The following AGO3 variants were observed in gnomAD, a reference collection of about 807,000 sequenced individuals.
AGO3 encodes the protein argonaute RISC catalytic component 3.
In AGO3, 16 loss-of-function variants were observed where a neutral mutation model predicts 105.5. That is an observed-to-expected ratio of 0.15 (90% CI 0.10 to 0.23). The LOEUF (loss-of-function observed/expected upper bound fraction) is 0.23. AGO3 is among the 10% of genes least tolerant of loss of function. The pLI, the probability that AGO3 is intolerant of heterozygous loss-of-function variation, is 1.00. For synonymous variants in AGO3, 340 were observed against 367.3 expected (o/e 0.93, Z 0.85); for missense variants, 534 against 1,088.0 (o/e 0.49, Z 7.16).
At chr1:35,998,480 C>T (rs1348347448) in intron 5 of AGO3, among the ~76,000 whole-genome samples, 2 of 152,088 alleles carry the variant, frequency 1.3e-5, no homozygotes, top group Non-Finnish European at 2.9e-5. Flanking sequence ...ATTATATATT[C>T]CACTTCCTTT....
Position 35,931,302 on chromosome 1 carries a change from G to A in AGO3, c.-125G>A. ...GTGCGGTTGCTCAGGGGAAGCCGTC[G>A]CCGCCCCCGCCTCGGGGCCGAGTGA... is the stretch of plus-strand genomic sequence containing the variant. On this transcript the variant is annotated 5_prime_UTR_variant, in exon 1 of 19. Transcript: ENST00000373191. 5 of 854,858 alleles carry A rather than the reference G, an allele frequency of 5.8e-6. No individual in the cohort carries two copies. Among genetic ancestry groups the A allele is most frequent in the South Asian group, 5.7e-5 (2 of 34,868 alleles). 53.0% of individuals were successfully genotyped at this position (854,858 alleles called of 1,614,324 possible).
At chr1:35,960,011 A>C (rs1297002605) in intron 2 of AGO3, among the ~76,000 whole-genome samples, 1 of 152,082 alleles carries the variant, frequency 6.6e-6, no homozygotes, top group Non-Finnish European at 1.5e-5. Context: ...AAGTTAAATA[A>C]CTTTCTTAAC....
intron 17 of AGO3, among the ~76,000 whole-genome samples, chr1:36,054,355 C>G (rs2148864598): frequency 6.6e-6 from 1 of 152,192 alleles, no homozygotes; most frequent in South Asian, 2.1e-4. Flanking sequence ...TCACTGCAGC[C>G]TTGACCTCCT....
rs941985751 is a variant in AGO3, at chr1:36,068,078, A to G, written c.*12333A>G. Reference sequence around the variant, plus strand: ...CAATCAGTGTTTTATGCCATTTGTGAATCACACAATTGTTCTTTTTTCCCC... The same window carrying G: ...CAATCAGTGTTTTATGCCATTTGTGGATCACACAATTGTTCTTTTTTCCCC... On this transcript the variant is annotated 3_prime_UTR_variant, in exon 19 of 19. Transcript: ENST00000373191. 3 of 152,260 alleles carry G rather than the reference A, an allele frequency of 2.0e-5. No individual in the cohort carries two copies. Among genetic ancestry groups the G allele is most frequent in the South Asian group, 2.1e-4 (1 of 4,832 alleles). The allele number at this position is 152,260 out of a possible 1,614,324, so 9.4% of individuals were successfully genotyped here. A position where few individuals can be genotyped will look rare whatever the true frequency, so the allele number is the denominator to read the frequency against.
intron 1 of AGO3, among the ~76,000 whole-genome samples, chr1:35,934,105 C>T (rs1646105486): frequency 6.6e-6 from 1 of 152,124 alleles, no homozygotes; most frequent in African/African-American, 2.4e-5. Context: ...TTTTTATGGT[C>T]TAATTACTGC....
chr1:35,996,349 A>C (rs1259074937), intron 5 of AGO3, among the ~76,000 whole-genome samples: 1 of 152,112 alleles, frequency 6.6e-6, no homozygotes, highest in Non-Finnish European at 1.5e-5. Flanking sequence ...TGAAAACACA[A>C]GCTACCGCTG....
intron 1 of AGO3, among the ~76,000 whole-genome samples, chr1:35,933,616 G>GGGT (rs1321650637): frequency 7.4e-6 from 1 of 135,924 alleles, no homozygotes; most frequent in Non-Finnish European, 1.5e-5. Context: ...ACTCCAGCCT[G>GGGT]GGTGACGGAG....
In AGO3 at chr1:35,967,573, C is replaced by T. The variant is rs192561301; in HGVS notation, c.312+498C>T. Among the ~76,000 whole-genome samples the T allele has an allele frequency of 2.2e-4, 34 of 152,066 alleles. 1 individual carries two copies. The highest frequency in any genetic ancestry group is 4.3e-4 in the Non-Finnish European group (29 of 67,988). On this transcript the variant is annotated intron_variant, in intron 3 of 18. Coordinates refer to ENST00000373191, the MANE Select transcript of AGO3 (RefSeq NM_024852.4). ...GGGATTACAGGCACGTGCTACCACT[C>T]TTGGCTAATTTTTTTGTGTTTGTAG...
At chr1:35,948,580 T>C (rs1646413041) in intron 2 of AGO3, among the ~76,000 whole-genome samples, 1 of 152,132 alleles carries the variant, frequency 6.6e-6, no homozygotes, top group Admixed American at 6.5e-5. Context: ...CTAACATTTT[T>C]GTTTTATTTT....
At position 36,069,037 on chromosome 1, in the gene AGO3, C is replaced by G. The variant is rs1643129295; in HGVS notation, c.*13292C>G. On this transcript the variant is annotated 3_prime_UTR_variant, in exon 19 of 19. Transcript: ENST00000373191. ...TGTCCTTAGGCAATTCGTTTAATCT[C>G]TGTGTGCCTAGTTTCCCCTTGTAAA... 6.6e-6 allele frequency: 1 copy of G among 152,344 alleles called. No homozygotes were observed. 9.4% of individuals were successfully genotyped at this position (152,344 alleles called of 1,614,324 possible).
chr1:35,950,114 G>A (rs1054112334), intron 2 of AGO3, among the ~76,000 whole-genome samples: 4 of 151,958 alleles, frequency 2.6e-5, no homozygotes, highest in Non-Finnish European at 4.4e-5. Flanking sequence ...CCAGCTACTC[G>A]GGAGACTGAG....
intron 15 of AGO3, 100 bp from the exon 16 acceptor site, chr1:36,040,207 G>T (rs1345425881): frequency 3.7e-6 from 5 of 1,356,088 alleles, no homozygotes; most frequent in Non-Finnish European, 5.0e-6. Flanking sequence ...CTATAGAGTG[G>T]TGAAATTAAG....
At chr1:36,026,340 T>C (rs538515900) in intron 11 of AGO3, among the ~76,000 whole-genome samples, 1 of 152,162 alleles carries the variant, frequency 6.6e-6, no homozygotes, top group African/African-American at 2.4e-5. Flanking sequence ...ACTCCTGACC[T>C]CAAGTGATCC....
chr1:36,006,366 T>C (rs1640333169), intron 6 of AGO3, among the ~76,000 whole-genome samples: 1 of 152,080 alleles, frequency 6.6e-6, no homozygotes, highest in African/African-American at 2.4e-5. Flanking sequence ...ATCCAGTAAC[T>C]CGTGATAGTT....
intron 2 of AGO3, among the ~76,000 whole-genome samples, chr1:35,951,461 G>A (rs1213719536): frequency 2.0e-5 from 3 of 152,082 alleles, no homozygotes; most frequent in Admixed American, 1.3e-4. Context: ...GCAGTGGTAC[G>A]ATCACAGTTC....
chr1:35,986,794 G>T (rs1256567791), intron 5 of AGO3, among the ~76,000 whole-genome samples: 3 of 144,686 alleles, frequency 2.1e-5, no homozygotes, highest in African/African-American at 7.7e-5. Context: ...TCAGGAGTTC[G>T]AGACCAGCCT....
chr1:36,004,764 TAC>T (rs942925764), intron 6 of AGO3, among the ~76,000 whole-genome samples: 13 of 152,278 alleles, frequency 8.5e-5, no homozygotes, highest in African/African-American at 3.1e-4. Flanking sequence ...GCTTTAGTAA[TAC>T]TGTTAAAAGT....
At chr1:36,047,973 G>A (rs963296332) in intron 17 of AGO3, among the ~76,000 whole-genome samples, 3 of 151,966 alleles carry the variant, frequency 2.0e-5, no homozygotes, top group African/African-American at 4.8e-5. Flanking sequence ...CAAACAGATC[G>A]AACCCTAAAA....
At chr1:35,970,105 G>T (rs1285388714) in intron 3 of AGO3, among the ~76,000 whole-genome samples, 1 of 152,112 alleles carries the variant, frequency 6.6e-6, no homozygotes, top group Non-Finnish European at 1.5e-5. Flanking sequence ...CCATTTCTCT[G>T]AGGATCTCTG....
Sources: gnomAD v4.1 joint callset for allele counts (sites outside exome capture counted in the v4.1 genomes callset) on GRCh38, gnomAD v4.1.1 for gene constraint, MANE v1.5 for transcripts, NCBI Gene and HGNC (gene_info 2026-07-23, HGNC 2026-07-21) for gene names.